The following PCOLCE2 variants were observed in gnomAD, a reference collection of about 807,000 sequenced individuals.
PCOLCE2 encodes procollagen C-proteinase enhancer 2.
In PCOLCE2, 42 loss-of-function variants were observed where a neutral mutation model predicts 47.0. The ratio of observed to expected loss-of-function variants is 0.89; its 90% CI spans 0.70 to 1.16. The LOEUF (loss-of-function observed/expected upper bound fraction) is 1.16, where lower values mean the gene tolerates loss of function less well. Ranked by LOEUF, PCOLCE2 falls within the 50% of genes most tolerant of loss-of-function variation. The pLI is 0.00. For missense variants in PCOLCE2, 500 were observed against 526.1 expected, an observed-to-expected ratio of 0.95 and a Z score of 0.49; for synonymous variants, 169 against 191.7, an observed-to-expected ratio of 0.88 and a Z score of 0.98.
At chr3:142,851,494 G>A (rs1932940308) in intron 2 of PCOLCE2, among the ~76,000 whole-genome samples, 1 of 152,142 alleles carries the variant, frequency 6.6e-6, no homozygotes, top group Admixed American at 6.5e-5. Flanking sequence ...ATGTGCTGTG[G>A]AATCCAAACT....
At chr3:142,858,351 G>A (rs1294254297) in intron 2 of PCOLCE2, among the ~76,000 whole-genome samples, 8 of 152,116 alleles carry the variant, frequency 5.3e-5, no homozygotes, top group Non-Finnish European at 1.2e-4. Context: ...AGGTGAAGAT[G>A]GAGATGGAAA....
At chr3:142,888,773 G>A in intron 1 of PCOLCE2, 41 bp downstream of exon 1, 1 of 1,243,180 alleles carries the variant, frequency 8.0e-7, no homozygotes, top group Non-Finnish European at 1.1e-6. Flanking sequence ...GGTGGAGGAA[G>A]GGAAAGGAGA....
intron 5 of PCOLCE2, among the ~76,000 whole-genome samples, chr3:142,834,632 A>T (rs1937183413): frequency 1.3e-5 from 2 of 152,210 alleles, no homozygotes; most frequent in South Asian, 4.1e-4. Context: ...GTGAGGTATA[A>T]GGTTAAATTA....
intron 2 of PCOLCE2, among the ~76,000 whole-genome samples, chr3:142,882,568 T>C (rs1933644939): frequency 6.6e-6 from 1 of 152,094 alleles, no homozygotes; most frequent in Non-Finnish European, 1.5e-5. Flanking sequence ...TCATTTTATG[T>C]TTGTTTATCA....
At chr3:142,845,554 C>T (rs1937317782) in intron 3 of PCOLCE2, among the ~76,000 whole-genome samples, 1 of 152,182 alleles carries the variant, frequency 6.6e-6, no homozygotes, top group South Asian at 2.1e-4. Context: ...AATATTTCTA[C>T]CAGTGTAAGT....
At chr3:142,835,667 G>A (rs766019191) in intron 5 of PCOLCE2, among the ~76,000 whole-genome samples, 1 of 152,130 alleles carries the variant, frequency 6.6e-6, no homozygotes, top group Non-Finnish European at 1.5e-5. Flanking sequence ...TTTTGAGACA[G>A]GGTCTTGCTC....
In PCOLCE2 at chr3:142,838,767, T is replaced by C. The variant is rs373908035; in HGVS notation, c.710+3A>G. The C allele has an allele frequency of 1.2e-5, 19 of 1,613,232 alleles. No individual in the cohort carries two copies. Among genetic ancestry groups the C allele is most frequent in the Admixed American group, 8.3e-5 (5 of 59,978 alleles). On this transcript the variant is annotated splice_donor_region_variant and intron_variant, in intron 5 of 8. Transcript: ENST00000295992. ...ATTAAAGACATAAATAGGTGCTACT[T>C]ACGCAGGTGGACTATCACCACAATA...
chr3:142,880,811 C>T lies in PCOLCE2; in HGVS notation c.192+6858G>A, dbSNP rs559332601. Among the ~76,000 whole-genome samples, 242 of 152,278 alleles carry T rather than the reference C, an allele frequency of 1.6e-3. 1 individual carries two copies. Among genetic ancestry groups the T allele is most frequent in the Admixed American group, 3.3e-3 (50 of 15,284 alleles). On this transcript the variant is annotated intron_variant, in intron 2 of 8. Coordinates refer to ENST00000295992, the MANE Select transcript of PCOLCE2 (RefSeq NM_013363.4). Reference sequence around the variant, plus strand: ...AAATATCAAGGCACATGTAAAATAACCCTGGGAAGTCAAACAAATCCTTAC... The same window carrying T: ...AAATATCAAGGCACATGTAAAATAATCCTGGGAAGTCAAACAAATCCTTAC...
At chr3:142,882,640 A>G (rs1933648970) in intron 2 of PCOLCE2, among the ~76,000 whole-genome samples, 1 of 151,916 alleles carries the variant, frequency 6.6e-6, no homozygotes, top group Non-Finnish European at 1.5e-5. Flanking sequence ...GCAACGGTGT[A>G]ATCACAGCTC....
intron 2 of PCOLCE2, among the ~76,000 whole-genome samples, chr3:142,861,668 CTTGGAGTTT>C (rs1933185153): frequency 6.6e-6 from 1 of 152,022 alleles, no homozygotes; most frequent in Non-Finnish European, 1.5e-5. Flanking sequence ...TTTCTGTTGC[CTTGGAGTTT>C]TTGTTTCCCT....
chr3:142,841,493 T>C (rs924693850), intron 4 of PCOLCE2, among the ~76,000 whole-genome samples: 2 of 152,190 alleles, frequency 1.3e-5, no homozygotes, highest in African/African-American at 4.8e-5. Flanking sequence ...ACAGAGAAAA[T>C]GATCAATATA....
rs978270392 is a variant in PCOLCE2, at chr3:142,827,837, A to G, written c.865+1855T>C. On this transcript the variant is annotated intron_variant, in intron 6 of 8. Transcript: ENST00000295992. ...TCTCACGGACACCTCAAACCCAACA[A>G]GGCGACAGCCTAATTTATAAATCCA... The G allele has an allele frequency of 5.4e-6, 3 of 550,698 alleles. No individual in the cohort carries two copies. In the Admixed American group the frequency reaches 9.5e-5, roughly 17 times the overall value. The allele number at this position is 550,698 out of a possible 1,614,324, so 34.1% of individuals were successfully genotyped here. A position where few individuals can be genotyped will look rare whatever the true frequency, so the allele number is the denominator to read the frequency against.
At chr3:142,824,251 C>G (rs568912919) in intron 6 of PCOLCE2, among the ~76,000 whole-genome samples, 1 of 151,898 alleles carries the variant, frequency 6.6e-6, no homozygotes, top group Admixed American at 6.6e-5. Context: ...GTGACGTTGC[C>G]CCCAGCAGGC....
intron 7 of PCOLCE2, among the ~76,000 whole-genome samples, chr3:142,821,318 A>G (rs1259624346): frequency 6.6e-6 from 1 of 152,124 alleles, no homozygotes; most frequent in Non-Finnish European, 1.5e-5. Context: ...AAACTCTTTA[A>G]AACGTTTTAT....
At chr3:142,823,687 C>A in intron 6 of PCOLCE2, 72 bp from the exon 7 acceptor site, 1 of 845,164 alleles carries the variant, frequency 1.2e-6, no homozygotes. Context: ...TCTGAATCTA[C>A]CCATTTAAAA....
chr3:142,822,066 C>T (rs9819681), intron 7 of PCOLCE2, among the ~76,000 whole-genome samples: 5,174 of 152,052 alleles, frequency 0.034, 311 homozygotes, highest in African/African-American at 0.12. Flanking sequence ...TACAGGCATG[C>T]ACCACCACAC....
chr3:142,868,432 A>G (rs1933324213), intron 2 of PCOLCE2, among the ~76,000 whole-genome samples: 1 of 152,216 alleles, frequency 6.6e-6, no homozygotes, highest in Non-Finnish European at 1.5e-5. Context: ...GAATCAATAT[A>G]TCAGTATGTT....
chr3:142,853,607 C>T, intron 2 of PCOLCE2, among the ~76,000 whole-genome samples: 1 of 152,184 alleles, frequency 6.6e-6, no homozygotes, highest in East Asian at 1.9e-4. Flanking sequence ...ACTGCTGGCT[C>T]CACCTTTTTC....
chr3:142,837,155 A>G (rs1252769028), intron 5 of PCOLCE2, among the ~76,000 whole-genome samples: 2 of 152,260 alleles, frequency 1.3e-5, no homozygotes, highest in Non-Finnish European at 2.9e-5. Flanking sequence ...CAAGGCATGC[A>G]GGCAGACTCT....
Sources: gnomAD v4.1 joint callset for allele counts (sites outside exome capture counted in the v4.1 genomes callset) on GRCh38, gnomAD v4.1.1 for gene constraint, MANE v1.5 for transcripts, NCBI Gene and HGNC (gene_info 2026-07-23, HGNC 2026-07-21) for gene names.